PTPRN2: variants seen among roughly 807,000 people sequenced by gnomAD.
PTPRN2 encodes protein tyrosine phosphatase receptor type N2, also known as receptor-type tyrosine-protein phosphatase N2.
PTPRN2 carries 74 observed loss-of-function variants against 118.8 expected under a neutral mutation model. That is an observed-to-expected ratio of 0.62 (90% CI 0.52 to 0.76). The LOEUF (loss-of-function observed/expected upper bound fraction) is 0.76, where lower values mean the gene tolerates loss of function less well. Among genes scored for constraint, PTPRN2 ranks in the 30% least tolerant of loss-of-function variants. PTPRN2 has a pLI of 0.00. For missense variants in PTPRN2, 1,481 were observed against 1,394.4 expected (o/e 1.06, Z -0.99); for synonymous variants, 641 against 608.0 (o/e 1.05, Z -0.80).
chr7:157,579,118 G>A (rs936956101), intron 17 of PTPRN2, among the ~76,000 whole-genome samples: 41 of 152,312 alleles, frequency 2.7e-4, no homozygotes, highest in Admixed American at 9.1e-4. Flanking sequence ...CGTAGCGCAT[G>A]TTACTGAATT....
intron 2 of PTPRN2, among the ~76,000 whole-genome samples, chr7:158,364,760 CT>C (rs1809300802): frequency 6.6e-6 from 1 of 152,124 alleles, no homozygotes; most frequent in African/African-American, 2.4e-5. Flanking sequence ...GGCTCCTCCC[CT>C]CTCTCTGTCC....
intron 1 of PTPRN2, among the ~76,000 whole-genome samples, chr7:158,527,830 C>T (rs1316550812): frequency 1.3e-5 from 2 of 152,224 alleles, no homozygotes; most frequent in Non-Finnish European, 2.9e-5. Context: ...CTTCCTGCCC[C>T]GTATCCCAGA....
At chr7:157,914,280 C>T (rs188724509) in intron 11 of PTPRN2, among the ~76,000 whole-genome samples, 5 of 152,324 alleles carry the variant, frequency 3.3e-5, no homozygotes, top group Admixed American at 6.5e-5. Context: ...TCCAACTTCA[C>T]TGTCAGGAAT....
chr7:157,776,488 T>C (rs1585435229), intron 12 of PTPRN2, among the ~76,000 whole-genome samples: 4 of 121,162 alleles, frequency 3.3e-5, no homozygotes, highest in Non-Finnish European at 3.5e-5. Context: ...TCCTCCTCCC[T>C]CTCCTTCTCC....
At chr7:158,521,742 G>C (rs868773680) in intron 1 of PTPRN2, among the ~76,000 whole-genome samples, 12 of 110,094 alleles carry the variant, frequency 1.1e-4, no homozygotes, top group African/African-American at 3.9e-4. Context: ...CACAATGGTG[G>C]ACTGTCCGGG....
At chr7:158,188,663 G>GCCGCCACGCTCGCCGCCTGATGGGGAAGC (rs1825485095) in intron 5 of PTPRN2, among the ~76,000 whole-genome samples, 1 of 143,608 alleles carries the variant, frequency 7.0e-6, no homozygotes, top group African/African-American at 2.6e-5. Flanking sequence ...GATGGGGAAG[G>GCCGCCACGCTCGCCGCCTGATGGGGAAGC]CCGCCACGCT....
rs965358750 is a variant in PTPRN2 at position 157,964,517 on chromosome 7, A to G, written c.1724-65780T>C. Among the ~76,000 whole-genome samples, 5 of 152,042 alleles carry G rather than the reference A, an allele frequency of 3.3e-5. No individual in the cohort carries two copies. Among genetic ancestry groups the G allele is most frequent in the African/African-American group, 4.8e-5 (2 of 41,382 alleles). ...GGAATGAGGGGAATTCATCCATTTG[A>G]GGTTAAATGTTTGCCAATCTAATTT... is the stretch of plus-strand genomic sequence containing the variant. On this transcript the variant is annotated intron_variant, in intron 11 of 22. Transcript: ENST00000389418. This position sits in a 1 kb window ranked among gnomAD's most constrained non-coding sequence, Gnocchi z 9.0.
chr7:157,783,969 C>T (rs763371775), intron 12 of PTPRN2, among the ~76,000 whole-genome samples: 5 of 152,090 alleles, frequency 3.3e-5, no homozygotes, highest in African/African-American at 4.8e-5. Context: ...TCAAGCAGAG[C>T]GCAGCTGCTG....
At chr7:157,827,709 T>G (rs902797451) in intron 12 of PTPRN2, among the ~76,000 whole-genome samples, 41 of 151,982 alleles carry the variant, frequency 2.7e-4, no homozygotes, top group African/African-American at 8.2e-4. Context: ...GGTGCTGGGG[T>G]GCCTTGGAGG....
At chr7:158,331,923 C>G (rs1442362325) in intron 2 of PTPRN2, among the ~76,000 whole-genome samples, 2 of 145,016 alleles carry the variant, frequency 1.4e-5, no homozygotes, top group East Asian at 2.1e-4. Context: ...AGCTGACGCC[C>G]GCAGATGTCA....
At chr7:157,790,398 T>C (rs571503259) in intron 12 of PTPRN2, among the ~76,000 whole-genome samples, 41 of 152,048 alleles carry the variant, frequency 2.7e-4, no homozygotes, top group African/African-American at 8.9e-4. Flanking sequence ...TCAGGAACTG[T>C]CAAGCAATCT....
chr7:158,272,709 C>T (rs771815888), intron 3 of PTPRN2, among the ~76,000 whole-genome samples: 3 of 152,158 alleles, frequency 2.0e-5, no homozygotes, highest in Non-Finnish European at 2.9e-5. Context: ...GGGATAAGCC[C>T]TCAGGATGGA....
chr7:158,516,618 A>C (rs1258738092), intron 1 of PTPRN2, among the ~76,000 whole-genome samples: 2 of 144,876 alleles, frequency 1.4e-5, no homozygotes, highest in Non-Finnish European at 3.0e-5. Flanking sequence ...GCTCCTGCCT[A>C]TTGTTCCTGG....
At chr7:157,858,050 G>GCCACCACCCACA (rs1809864366) in intron 12 of PTPRN2, among the ~76,000 whole-genome samples, 3 of 151,886 alleles carry the variant, frequency 2.0e-5, no homozygotes, top group Non-Finnish European at 2.9e-5. Context: ...CAGCCCCCCA[G>GCCACCACCCACA]CTACCACCCA....
At chr7:158,448,410 T>G (rs543450213) in intron 2 of PTPRN2, among the ~76,000 whole-genome samples, 1 of 150,790 alleles carries the variant, frequency 6.6e-6, no homozygotes, top group East Asian at 2.0e-4. Flanking sequence ...GGAGGGAGGT[T>G]GGTTTCCACA....
intron 15 of PTPRN2, chr7:157,614,176 G>C (rs1276172310): frequency 2.2e-6 from 1 of 462,540 alleles, no homozygotes; most frequent in Non-Finnish European, 4.5e-6. Flanking sequence ...GGAGGGCCAG[G>C]GTGGAGCTCA....
intron 14 of PTPRN2, among the ~76,000 whole-genome samples, chr7:157,652,756 C>T (rs965787679): frequency 6.6e-6 from 1 of 152,260 alleles, no homozygotes; most frequent in African/African-American, 2.4e-5. Flanking sequence ...TCGGGGCAGG[C>T]ACCTGCCGCC....
chr7:157,701,000 G>T (rs1054676494), intron 12 of PTPRN2, among the ~76,000 whole-genome samples: 7 of 152,354 alleles, frequency 4.6e-5, no homozygotes, highest in Non-Finnish European at 1.0e-4. Context: ...ACACACGCAC[G>T]CTTTCGCACA....
chr7:158,172,433 CCAT>C (rs1269353800), intron 5 of PTPRN2, among the ~76,000 whole-genome samples: 1 of 152,028 alleles, frequency 6.6e-6, no homozygotes, highest in Non-Finnish European at 1.5e-5. Context: ...AGCATCCCCA[CCAT>C]CATCTTCACC....
Sources: gnomAD v4.1 joint callset for allele counts (sites outside exome capture counted in the v4.1 genomes callset) on GRCh38, gnomAD v4.1.1 for gene constraint, Gnocchi (gnomAD v3.1) non-coding constraint, MANE v1.5 for transcripts, NCBI Gene and HGNC (gene_info 2026-07-23, HGNC 2026-07-21) for gene names.